CPVL: variants seen among roughly 807,000 people sequenced by gnomAD.
The protein encoded by CPVL is carboxypeptidase vitellogenic like, also known as probable serine carboxypeptidase CPVL.
In CPVL, 51 loss-of-function variants were observed where a neutral mutation model predicts 63.7. The ratio of observed to expected loss-of-function variants is 0.80; its 90% confidence interval spans 0.64 to 1.01. The LOEUF is 1.01. Ranked by LOEUF, CPVL falls within the 50% of genes least tolerant of loss-of-function variation. The probability of loss-of-function intolerance (pLI) is 0.00; values close to 1 mark genes in which losing one functional copy is unlikely to be tolerated. For synonymous variants in CPVL, 195 were observed against 206.0 expected (o/e 0.95, Z 0.46); for missense variants, 530 against 573.1 (o/e 0.92, Z 0.77).
intron 1 of CPVL, among the ~76,000 whole-genome samples, chr7:29,190,224 G>T (rs1037331282): frequency 5.3e-5 from 8 of 152,236 alleles, no homozygotes; most frequent in African/African-American, 1.7e-4. Context: ...TTGATGTTGA[G>T]AAATTGATGG....
At chr7:29,020,718 T>C (rs909992052) in intron 12 of CPVL, among the ~76,000 whole-genome samples, 16 of 152,012 alleles carry the variant, frequency 1.1e-4, no homozygotes, top group Admixed American at 1.3e-4. Context: ...AGGAAGATAA[T>C]AAGGATAAAG....
upstream of CPVL, chr7:29,147,170 C>T (rs1792851572): frequency 1.5e-6 from 1 of 655,050 alleles, no homozygotes; most frequent in Middle Eastern, 4.2e-4. Flanking sequence ...TGCTGGGCAT[C>T]GAGCCAGACA....
chr7:29,141,112 T>C (rs370836967), intron 1 of CPVL, among the ~76,000 whole-genome samples: 49 of 152,342 alleles, frequency 3.2e-4, no homozygotes, highest in East Asian at 1.7e-3. Context: ...CAATGTGCTT[T>C]GAGCTTCCCT....
chr7:29,114,659 C>T (rs1473661196), intron 2 of CPVL, among the ~76,000 whole-genome samples: 1 of 152,056 alleles, frequency 6.6e-6, no homozygotes, highest in African/African-American at 2.4e-5. Flanking sequence ...AGGCATGCCT[C>T]TCAAAAGGAA....
intron 11 of CPVL, among the ~76,000 whole-genome samples, chr7:29,049,729 C>T (rs1434342585): frequency 1.3e-5 from 2 of 152,088 alleles, no homozygotes; most frequent in Non-Finnish European, 2.9e-5. Context: ...AAACTACAGA[C>T]TGATATACCT....
At chr7:29,124,441 AC>A (rs1170623856) in intron 1 of CPVL, among the ~76,000 whole-genome samples, 1 of 152,174 alleles carries the variant, frequency 6.6e-6, no homozygotes, top group Non-Finnish European at 1.5e-5. Context: ...AACAATATCA[AC>A]AGAATCAAAG....
chr7:29,150,286 A>G (rs1793411200), upstream of CPVL, among the ~76,000 whole-genome samples: 2 of 152,218 alleles, frequency 1.3e-5, no homozygotes, highest in South Asian at 2.1e-4. Context: ...ACTATTAGCT[A>G]TCTTGCGGTA....
chr7:29,061,699 C>T (rs1172031605), intron 11 of CPVL, among the ~76,000 whole-genome samples: 1 of 152,064 alleles, frequency 6.6e-6, no homozygotes, highest in African/African-American at 2.4e-5. Flanking sequence ...GCAATCCTAG[C>T]ACTTTGGGAG....
intron 11 of CPVL, among the ~76,000 whole-genome samples, chr7:29,051,831 G>A (rs886539080): frequency 6.6e-6 from 1 of 151,400 alleles, no homozygotes; most frequent in African/African-American, 2.4e-5. Context: ...CAAAATCCGT[G>A]GAACCAAAAC....
Position 29,146,502 on chromosome 7 carries a change from A to C in CPVL, c.-84T>G. ...GCCGGTTGTCCTTGCAGCGCTTCCC[A>C]AATCAGGCAGAAGTGAGGCAGCCCC... On this transcript the variant is annotated 5_prime_UTR_variant, in exon 1 of 13. Coordinates refer to ENST00000265394, the MANE Select transcript of CPVL (RefSeq NM_031311.5). 1 of 1,463,898 alleles carries C rather than the reference A, an allele frequency of 6.8e-7. No individual in the cohort carries two copies. The allele number at this position is 1,463,898 out of a possible 1,614,324, so 90.7% of individuals were successfully genotyped here.
intron 5 of CPVL, among the ~76,000 whole-genome samples, chr7:29,170,170 C>G (rs1796417974): frequency 6.6e-6 from 1 of 152,030 alleles, no homozygotes; most frequent in African/African-American, 2.4e-5. Flanking sequence ...TCCCTGAGCT[C>G]TTAAACATGG....
At position 29,134,090 on chromosome 7, in the gene CPVL, G is replaced by A. The variant is rs1483313509; in HGVS notation, c.-11+12339C>T. 5.3e-5 allele frequency among the ~76,000 whole-genome samples: 8 copies of A among 152,264 alleles called. No homozygotes were observed. The South Asian group carries it at 1.2e-3, about 24-fold the overall frequency. On this transcript the variant is annotated intron_variant, in intron 1 of 12. Transcript: ENST00000265394. ...GGGAATATAAGAAACAGTGAAAGTT[G>A]GGGAAGAGATACCCTACTGAAAACT...
At chr7:29,007,585 C>T (rs1414119883) in intron 12 of CPVL, among the ~76,000 whole-genome samples, 3 of 152,174 alleles carry the variant, frequency 2.0e-5, no homozygotes, top group Non-Finnish European at 4.4e-5. Context: ...CCATGCAACA[C>T]AGAAAGGAAA....
chr7:29,135,439 C>T (rs1222456975), intron 1 of CPVL, among the ~76,000 whole-genome samples: 1 of 151,722 alleles, frequency 6.6e-6, no homozygotes, highest in African/African-American at 2.4e-5. Context: ...TAAAGCTATT[C>T]TCCTGCCTCA....
chr7:29,149,819 C>T (rs1479473974), upstream of CPVL, among the ~76,000 whole-genome samples: 1 of 152,194 alleles, frequency 6.6e-6, no homozygotes, highest in Non-Finnish European at 1.5e-5. Context: ...TGTCTTTTCA[C>T]AGTGTCTCCC....
intron 9 of CPVL, among the ~76,000 whole-genome samples, chr7:29,069,865 C>T (rs1783574985): frequency 6.7e-6 from 1 of 148,812 alleles, no homozygotes; most frequent in Non-Finnish European, 1.5e-5. Context: ...GACCTATCTC[C>T]AGAGTACTCT....
At chr7:29,155,108 A>ACCTCCCACCAGGTC (rs1278771756) in intron 5 of CPVL, among the ~76,000 whole-genome samples, 2 of 151,850 alleles carry the variant, frequency 1.3e-5, no homozygotes, top group Non-Finnish European at 1.5e-5. Context: ...TGATTCAATT[A>ACCTCCCACCAGGTC]CCTCCCACCA....
rs370247269 is a variant in CPVL, at chr7:29,097,020, A to G, written c.289-803T>C. Reference sequence around the variant, plus strand: ...AAAAAAAAAAAAAAAGAATGTGTCCATAGGGACCAGGACAACTTCATTCAA... The same window carrying G: ...AAAAAAAAAAAAAAAGAATGTGTCCGTAGGGACCAGGACAACTTCATTCAA... On this transcript the variant is annotated intron_variant, in intron 3 of 12. Transcript: ENST00000265394. Among the ~76,000 whole-genome samples, 209 of 150,488 alleles carry G rather than the reference A, an allele frequency of 1.4e-3. 1 individual carries two copies. The highest frequency in any genetic ancestry group is 4.0e-3 in the African/African-American group (165 of 40,826).
rs1554325660 is a variant in CPVL at position 29,006,925 on chromosome 7, C to CTCTG, written c.1321-11044_1321-11043insCAGA. 2.1e-4 allele frequency among the ~76,000 whole-genome samples: 32 copies of CTCTG among 151,944 alleles called. 1 individual carries two copies. The South Asian group carries it at 6.4e-3, about 31-fold the overall frequency. ...TTCCGCCTTATTTGTTTATTTCTTG[C>CTCTG]TTTAACATCCCCACAAGTGATTTTG... On this transcript the variant is annotated intron_variant, in intron 12 of 12. Transcript: ENST00000265394.
Sources: gnomAD v4.1 joint callset for allele counts (sites outside exome capture counted in the v4.1 genomes callset) on GRCh38, gnomAD v4.1.1 for gene constraint, MANE v1.5 for transcripts, NCBI Gene and HGNC (gene_info 2026-07-23, HGNC 2026-07-21) for gene names.